The following IL19 variants were observed in gnomAD, a reference collection of about 807,000 sequenced individuals.
IL19 encodes interleukin-19.
A neutral mutation model predicts 19.5 loss-of-function variants in IL19; 15 were observed. That is an observed-to-expected ratio of 0.77 (90% CI 0.52 to 1.19). The LOEUF is 1.19. Among genes scored for constraint, IL19 ranks in the 50% most tolerant of loss-of-function variants. The probability of loss-of-function intolerance (pLI) is 0.00; values close to 1 mark genes in which losing one functional copy is unlikely to be tolerated. For missense variants in IL19, 199 were observed against 213.1 expected (o/e 0.93, Z 0.41); for synonymous variants, 78 against 78.3 (o/e 1.00, Z 0.02).
intron 1 of IL19, chr1:206,772,331 G>C: frequency 6.2e-7 from 1 of 1,614,218 alleles, no homozygotes; most frequent in Non-Finnish European, 8.5e-7. Context: ...TAGGCAGGTT[G>C]CCTGGGAAGT....
At position 206,836,639 on chromosome 1, in the gene IL19, T is replaced by C. The variant is rs1676804938; in HGVS notation, c.-2-22T>C. The C allele has an allele frequency of 3.2e-6, 5 of 1,583,618 alleles. No individual in the cohort carries two copies. In the South Asian group the frequency reaches 5.8e-5, roughly 18 times the overall value. ...TGCCCTCCACTCTTGGCTGGACAGCTGACTTCCTCTCCTTTCTGCAGGCAT... is the reference window on the plus strand; with the variant it reads ...TGCCCTCCACTCTTGGCTGGACAGCCGACTTCCTCTCCTTTCTGCAGGCAT... On this transcript the variant is annotated intron_variant, in intron 2 of 6. Coordinates refer to ENST00000659997, the MANE Select transcript of IL19 (RefSeq NM_153758.5).
In IL19 at chr1:206,833,985, C is replaced by G. The variant is rs1676697694; in HGVS notation, c.-2-2676C>G. ...ATGGGCTGGCTGCTGCAGGGTGTGG[C>G]TGATTGAGAGTGCTTTTGTGAGTTG... On this transcript the variant is annotated intron_variant, in intron 2 of 6. Transcript: ENST00000659997. The G allele has an allele frequency of 4.1e-6, 4 of 985,368 alleles. No individual in the cohort carries two copies. In the South Asian group the frequency reaches 1.4e-4, roughly 35 times the overall value. 61.0% of individuals were successfully genotyped at this position (985,368 alleles called of 1,614,324 possible). A position where few individuals can be genotyped will look rare whatever the true frequency, so the allele number is the denominator to read the frequency against.
intron 2 of IL19, among the ~76,000 whole-genome samples, chr1:206,805,995 G>C (rs1314592112): frequency 6.6e-6 from 1 of 152,166 alleles, no homozygotes; most frequent in Non-Finnish European, 1.5e-5. Flanking sequence ...GGTTGTTCCT[G>C]TAGGGTGACA....
intron 4 of IL19, among the ~76,000 whole-genome samples, chr1:206,838,571 G>A (rs1052346076): frequency 4.6e-5 from 7 of 152,154 alleles, no homozygotes; most frequent in African/African-American, 1.7e-4. Context: ...TTTCAAATGA[G>A]GACAGTGAGA....
intron 2 of IL19, among the ~76,000 whole-genome samples, chr1:206,825,707 A>G (rs1381531935): frequency 6.6e-6 from 1 of 152,220 alleles, no homozygotes; most frequent in East Asian, 1.9e-4. Flanking sequence ...CCTCCCCACC[A>G]GGAACCCAGC....
Position 206,818,165 on chromosome 1 carries a change from G to A in IL19, c.-2-18496G>A, listed in dbSNP as rs565821560. On this transcript the variant is annotated intron_variant, in intron 2 of 6. Transcript: ENST00000659997. ...AGACTTAAATAACACTGTCAACCAAGTTGGCCTAATTAACATATATAGAAC... is the reference window on the plus strand; with the variant it reads ...AGACTTAAATAACACTGTCAACCAAATTGGCCTAATTAACATATATAGAAC... 5.3e-5 allele frequency among the ~76,000 whole-genome samples: 8 copies of A among 152,322 alleles called. No individual in the cohort carries two copies. The South Asian group carries it at 1.4e-3, about 28-fold the overall frequency.
At chr1:206,778,148 C>T (rs983306441) in intron 1 of IL19, among the ~76,000 whole-genome samples, 1 of 152,228 alleles carries the variant, frequency 6.6e-6, no homozygotes, top group African/African-American at 2.4e-5. Flanking sequence ...AGCGCCCTTC[C>T]GAGGATCATG....
chr1:206,790,948 T>C (rs1357911955), intron 1 of IL19, among the ~76,000 whole-genome samples: 3 of 152,212 alleles, frequency 2.0e-5, no homozygotes, highest in Non-Finnish European at 2.9e-5. Context: ...AGATGACCTT[T>C]GATATCTTTC....
intron 2 of IL19, among the ~76,000 whole-genome samples, chr1:206,821,992 G>C (rs578003843): frequency 2.0e-5 from 3 of 152,230 alleles, no homozygotes; most frequent in Non-Finnish European, 4.4e-5. Flanking sequence ...AAGTCCCAGA[G>C]TTCTCTCGTC....
chr1:206,809,756 G>A (rs945949121), intron 2 of IL19, among the ~76,000 whole-genome samples: 2 of 152,206 alleles, frequency 1.3e-5, no homozygotes, highest in African/African-American at 4.8e-5. Context: ...GGGAGGTGGG[G>A]TTGGGCCCAG....
At chr1:206,782,347 T>C (rs1012303991) in intron 1 of IL19, among the ~76,000 whole-genome samples, 1 of 152,096 alleles carries the variant, frequency 6.6e-6, no homozygotes, top group African/African-American at 2.4e-5. Context: ...AGTTGGAGCA[T>C]AAGAATTTTC....
intron 1 of IL19, among the ~76,000 whole-genome samples, chr1:206,790,798 T>C (rs1675383220): frequency 1.3e-5 from 2 of 152,002 alleles, no homozygotes; most frequent in Non-Finnish European, 2.9e-5. Context: ...TGCTGGAAAG[T>C]TGTTAGGGTT....
chr1:206,825,091 G>T (rs957840867), intron 2 of IL19, among the ~76,000 whole-genome samples: 1 of 152,130 alleles, frequency 6.6e-6, no homozygotes, highest in Non-Finnish European at 1.5e-5. Flanking sequence ...ACTAATTTAG[G>T]GTTCATGGAC....
chr1:206,841,149 C>T (rs1677004060), intron 6 of IL19, 71 bp downstream of exon 6: 1 of 1,145,796 alleles, frequency 8.7e-7, no homozygotes, highest in Non-Finnish European at 1.3e-6. Flanking sequence ...GGCCTTCAGC[C>T]TCCTCTCCAC....
intron 1 of IL19, among the ~76,000 whole-genome samples, chr1:206,774,822 C>T (rs974495308): frequency 2.6e-5 from 4 of 151,912 alleles, no homozygotes; most frequent in African/African-American, 4.8e-5. Context: ...CTGGAGGGTG[C>T]GAGGCTAAGG....
At chr1:206,801,984 C>A (rs746892059) in intron 2 of IL19, among the ~76,000 whole-genome samples, 3 of 152,092 alleles carry the variant, frequency 2.0e-5, no homozygotes, top group African/African-American at 7.2e-5. Context: ...ACAGTTTGAA[C>A]GAAGGCACCT....
intron 2 of IL19, among the ~76,000 whole-genome samples, chr1:206,823,149 C>G (rs555944678): frequency 6.6e-6 from 1 of 152,022 alleles, no homozygotes; most frequent in East Asian, 2.0e-4. Context: ...AGGCTGGTCT[C>G]AAAACCCTGA....
At chr1:206,834,020 G>A (rs1011213616) in intron 2 of IL19, 2 of 985,318 alleles carry the variant, frequency 2.0e-6, no homozygotes, top group Non-Finnish European at 2.4e-6. Context: ...GGCCTGCAGG[G>A]TACACTTGGT....
chr1:206,812,625 G>T (rs774620900), intron 2 of IL19, among the ~76,000 whole-genome samples: 4 of 152,150 alleles, frequency 2.6e-5, no homozygotes, highest in Non-Finnish European at 4.4e-5. Context: ...CCAGCCCCTG[G>T]CTAAAGGCAT....
Sources: gnomAD v4.1 joint callset for allele counts (sites outside exome capture counted in the v4.1 genomes callset) on GRCh38, gnomAD v4.1.1 for gene constraint, MANE v1.5 for transcripts, NCBI Gene and HGNC (gene_info 2026-07-23, HGNC 2026-07-21) for gene names.